The following HTT variants were observed in gnomAD, a reference collection of about 807,000 sequenced individuals.
HTT encodes the protein huntington disease protein.
In HTT, 104 loss-of-function variants were observed where a neutral mutation model predicts 362.3. The ratio of observed to expected loss-of-function variants is 0.29; its 90% CI spans 0.24 to 0.34. The LOEUF is 0.34. HTT is among the 10% of genes least tolerant of loss of function. The pLI, the probability that HTT is intolerant of heterozygous loss-of-function variation, is 1.00. For missense variants in HTT, 3,301 were observed against 3,928.6 expected (o/e 0.84, Z 4.27); for synonymous variants, 1,577 against 1,548.7 (o/e 1.02, Z -0.43).
chr4:3,131,542 A>G, intron 15 of HTT, 96 bp from the exon 16 acceptor site: 2 of 1,547,026 alleles, frequency 1.3e-6, no homozygotes, highest in South Asian at 1.1e-5. Context: ...GGAGGGAGGA[A>G]ATGATGGGAG....
intron 38 of HTT, 81 bp downstream of exon 38, chr4:3,186,800 T>C: frequency 7.0e-7 from 1 of 1,426,516 alleles, no homozygotes; most frequent in Non-Finnish European, 9.7e-7. Flanking sequence ...CCAGAATGTC[T>C]GAGTCAGTCA....
intron 41 of HTT, among the ~76,000 whole-genome samples, chr4:3,203,480 T>G (rs1018721924): frequency 1.3e-5 from 2 of 152,140 alleles, no homozygotes; most frequent in Non-Finnish European, 2.9e-5. Flanking sequence ...AACAATAAAG[T>G]GAGAAGTCAG....
Position 3,121,450 on chromosome 4 carries a change from TCTA to T in HTT, c.1273+21_1273+23del, listed in dbSNP as rs1715292137. The T allele has an allele frequency of 1.3e-6, 2 of 1,564,932 alleles. No individual in the cohort carries two copies. The highest frequency in any genetic ancestry group is 2.7e-5 in the African/African-American group (2 of 73,932). On this transcript the variant is annotated intron_variant, in intron 9 of 66. Coordinates refer to ENST00000355072, the MANE Select transcript of HTT (RefSeq NM_001388492.1). ...ACTTATAGGCAAGTTATTAGCAAGG[TCTA>T]CTCTTACAATTAACTTTGCAGTAAT...
intron 21 of HTT, among the ~76,000 whole-genome samples, chr4:3,137,569 C>T (rs1010574099): frequency 1.3e-5 from 2 of 152,128 alleles, no homozygotes; most frequent in African/African-American, 4.8e-5. Flanking sequence ...TGTGGTGGCA[C>T]ACGCCTGTAA....
chr4:3,101,173 T>G (rs1714134300), intron 3 of HTT, among the ~76,000 whole-genome samples: 1 of 152,240 alleles, frequency 6.6e-6, no homozygotes, highest in Non-Finnish European at 1.5e-5. Flanking sequence ...ATTGGTCATT[T>G]AATGTGTAAG....
chr4:3,144,099 A>G (rs1329376316), intron 23 of HTT, among the ~76,000 whole-genome samples: 2 of 152,212 alleles, frequency 1.3e-5, no homozygotes, highest in Non-Finnish European at 2.9e-5. Flanking sequence ...TGGTGGGGGT[A>G]TAGTCGGATT....
chr4:3,148,098 G>C lies in HTT; in HGVS notation c.3389G>C (p.Gly1130Ala). The change falls in exon 26 of 67, where the codon GGG becomes GCG. Residue 1130 changes from glycine (G) to alanine (A), a missense_variant. Gly to Ala is a moderately conservative substitution (Grantham distance 60, BLOSUM62 0). Transcript: ENST00000355072. Reference protein sequence around the residue: ...TKQEEVWPALGDRALVPMVEQ... With the variant: ...TKQEEVWPALADRALVPMVEQ... ...CAAGAGGAGGTCTGGCCAGCCCTGG[G>C]GGACCGGGCCCTGGTGCCCATGGTG... is the stretch of plus-strand genomic sequence containing the variant. 1 of 1,614,126 alleles carries C rather than the reference G, an allele frequency of 6.2e-7. No individual in the cohort carries two copies. The highest frequency in any genetic ancestry group is 8.5e-7 in the Non-Finnish European group (1 of 1,179,994).
intron 25 of HTT, among the ~76,000 whole-genome samples, chr4:3,147,783 A>G (rs1226110421): frequency 1.3e-5 from 2 of 152,222 alleles, no homozygotes; most frequent in African/African-American, 4.8e-5. Context: ...GGATGACTTC[A>G]CATCCTGGGC....
At chr4:3,180,682 G>A (rs1486853666) in intron 36 of HTT, 31 bp downstream of exon 36, 2 of 1,599,662 alleles carry the variant, frequency 1.3e-6, no homozygotes, top group East Asian at 2.3e-5. Flanking sequence ...AACTGTCGTG[G>A]ATACTTTATT....
intron 3 of HTT, among the ~76,000 whole-genome samples, chr4:3,100,963 A>C (rs893141485): frequency 6.6e-6 from 1 of 152,184 alleles, no homozygotes; most frequent in Non-Finnish European, 1.5e-5. Flanking sequence ...GCCTGGGCTC[A>C]AGTGATCCTC....
intron 36 of HTT, 25 bp downstream of exon 36, chr4:3,180,676 G>C (rs1718471023): frequency 6.2e-7 from 1 of 1,603,886 alleles, no homozygotes; most frequent in African/African-American, 1.3e-5. Context: ...TGTTGGAACT[G>C]TCGTGGATAC....
intron 1 of HTT, among the ~76,000 whole-genome samples, chr4:3,075,675 TC>T (rs1440185683): frequency 2.1e-5 from 3 of 139,886 alleles, no homozygotes; most frequent in African/African-American, 8.2e-5. Flanking sequence ...TGAGGGCGCG[TC>T]CAATGGGAGA....
At chr4:3,145,114 G>A (rs1716536103) in intron 23 of HTT, 38 bp from the exon 24 acceptor site, 9 of 1,408,546 alleles carry the variant, frequency 6.4e-6, no homozygotes, top group Non-Finnish European at 9.1e-6. Flanking sequence ...AAACCTTTGT[G>A]GTGTTTGGGT....
At chr4:3,174,464 A>C (rs1156275564) in intron 31 of HTT, among the ~76,000 whole-genome samples, 1 of 152,248 alleles carries the variant, frequency 6.6e-6, no homozygotes, top group African/African-American at 2.4e-5. Context: ...CTGTAGCAGA[A>C]AAAAGCTCAG....
Position 3,115,346 on chromosome 4 carries a change from C to A in HTT, c.790C>A (p.Pro264Thr). 6.2e-7 allele frequency: 1 copy of A among 1,614,130 alleles called. No individual in the cohort carries two copies. The highest frequency in any genetic ancestry group is 8.5e-7 in the Non-Finnish European group (1 of 1,179,992). ...CATAGCGAACCTGAAGTCAAGCTCCCCCACCATTCGGCGGACAGCGGCTGG... is the reference window on the plus strand; with the variant it reads ...CATAGCGAACCTGAAGTCAAGCTCCACCACCATTCGGCGGACAGCGGCTGG... ...AFIANLKSSS[P>T]TIRRTAAGSA... Residue 264 changes from proline (P) to threonine (T), a missense_variant, in exon 7 of 67, where the codon CCC becomes ACC. Physicochemically the swap from Pro to Thr is conservative, Grantham distance 38. Coordinates refer to ENST00000355072, the MANE Select transcript of HTT (RefSeq NM_001388492.1).
intron 1 of HTT, 126 bp downstream of exon 1, chr4:3,075,214 G>C: frequency 2.1e-6 from 2 of 955,126 alleles, no homozygotes; most frequent in Non-Finnish European, 1.3e-6. Context: ...GAGTGACCCA[G>C]CAACCCAGAG....
At chr4:3,089,900 C>T (rs960580380) in intron 2 of HTT, among the ~76,000 whole-genome samples, 3 of 152,010 alleles carry the variant, frequency 2.0e-5, no homozygotes, top group Admixed American at 6.6e-5. Context: ...TGGAGTAATG[C>T]TGAGAGTTCA....
rs1369246941 is a variant in HTT at position 3,099,258 on chromosome 4, T to C, written c.348-16T>C. On this transcript the variant is annotated splice_polypyrimidine_tract_variant and intron_variant, in intron 2 of 66. Coordinates refer to ENST00000355072, the MANE Select transcript of HTT (RefSeq NM_001388492.1). ...CTTAGGCTCCTCTTGACAGTTTCTC[T>C]TCTTTTTTTGCTTAGAAATTCTCCA... 6.2e-7 allele frequency: 1 copy of C among 1,601,358 alleles called. No homozygotes were observed. The highest frequency in any genetic ancestry group is 8.6e-7 in the Non-Finnish European group (1 of 1,168,868).
Position 3,238,894 on chromosome 4 carries a change from C to G in HTT, c.9131C>G (p.Thr3044Arg). Residue 3044 changes from threonine to arginine, a missense_variant, in exon 66 of 67, where the codon ACG (threonine) becomes AGG (arginine). Transcript: ENST00000355072. ...DWVMLSLSNF[T>R]QRAPVAMATW... ...GTCATGCTGTCCCTCTCCAACTTCA[C>G]GCAGAGGGCCCCGGTCGCCATGGCC... 6.2e-7 allele frequency: 1 copy of G among 1,612,024 alleles called. No individual in the cohort carries two copies. The highest frequency in any genetic ancestry group is 8.5e-7 in the Non-Finnish European group (1 of 1,179,582).
Sources: allele counts gnomAD v4.1 joint callset (sites outside exome capture counted in the v4.1 genomes callset), GRCh38; gene constraint gnomAD v4.1.1; transcripts MANE v1.5; gene names NCBI Gene and HGNC (gene_info 2026-07-23, HGNC 2026-07-21).